Variants in CCDC15 observed in about 807,000 individuals in gnomAD.
CCDC15 encodes the protein coiled-coil domain-containing protein 15.
CCDC15 carries 105 observed loss-of-function variants against 114.5 expected under a neutral mutation model. The ratio of observed to expected loss-of-function variants is 0.92; its 90% CI spans 0.78 to 1.08. The LOEUF is 1.08. Ranked by LOEUF, CCDC15 falls within the 50% of genes least tolerant of loss-of-function variation. CCDC15 has a pLI of 0.00. For synonymous variants in CCDC15, 334 were observed against 377.8 expected (o/e 0.88, Z 1.34); for missense variants, 1,105 against 1,093.6 (o/e 1.01, Z -0.15).
At chr11:125,019,215 GT>G (rs1827603898) in intron 13 of CCDC15, among the ~76,000 whole-genome samples, 1 of 151,826 alleles carries the variant, frequency 6.6e-6, no homozygotes, top group Non-Finnish European at 1.5e-5. Flanking sequence ...TTAAAAGATC[GT>G]TATATATTAA....
chr11:125,033,120 C>T (rs1253654112), intron 13 of CCDC15, among the ~76,000 whole-genome samples: 1 of 152,142 alleles, frequency 6.6e-6, no homozygotes, highest in African/African-American at 2.4e-5. Context: ...TAAACTGGCT[C>T]CAGTCTGGAT....
intron 6 of CCDC15, 89 bp downstream of exon 6, chr11:124,977,689 T>A: frequency 7.6e-7 from 1 of 1,310,384 alleles, no homozygotes; most frequent in Non-Finnish European, 1.0e-6. Flanking sequence ...GGTTAAGATA[T>A]CCAGTATTTT....
Position 124,998,651 on chromosome 11 carries a change from G to T in CCDC15, c.2215-5216G>T, listed in dbSNP as rs118039091. Among the ~76,000 whole-genome samples, 662 of 149,336 alleles carry T rather than the reference G, an allele frequency of 4.4e-3. 10 individuals carry two copies. The highest frequency in any genetic ancestry group is 4.9e-3 in the Non-Finnish European group (331 of 67,482). Reference sequence around the variant, plus strand: ...CCTTTATGTTATAATTGTCATAGGTGTTCCATCTATCTACACTGAAAACTC... The same window carrying T: ...CCTTTATGTTATAATTGTCATAGGTTTTCCATCTATCTACACTGAAAACTC... On this transcript the variant is annotated intron_variant, in intron 11 of 15. Transcript: ENST00000344762.
At chr11:124,971,693 CAAGTA>C (rs1324438241) in intron 4 of CCDC15, among the ~76,000 whole-genome samples, 1 of 151,910 alleles carries the variant, frequency 6.6e-6, no homozygotes, top group Non-Finnish European at 1.5e-5. Flanking sequence ...ATAGTTTGAA[CAAGTA>C]AAGTAAATAG....
intron 12 of CCDC15, among the ~76,000 whole-genome samples, chr11:125,004,644 A>G (rs759439095): frequency 1.6e-4 from 24 of 152,014 alleles, no homozygotes; most frequent in Non-Finnish European, 1.2e-4. Context: ...TACTTGTTTC[A>G]TTTATGAGTC....
intron 2 of CCDC15, 136 bp downstream of exon 2, chr11:124,955,045 C>G (rs2135421636): frequency 1.2e-6 from 1 of 803,580 alleles, no homozygotes; most frequent in South Asian, 1.9e-5. Flanking sequence ...TATGCTCTTG[C>G]ATTAGGATTA....
chr11:125,034,288 T>G (rs1008362720), intron 13 of CCDC15, among the ~76,000 whole-genome samples: 2 of 152,206 alleles, frequency 1.3e-5, no homozygotes, highest in African/African-American at 4.8e-5. Context: ...TCCTCCCACA[T>G]ATCCCCATTC....
intron 11 of CCDC15, 122 bp downstream of exon 11, chr11:124,993,365 T>C (rs1948304790): frequency 1.6e-6 from 1 of 643,360 alleles, no homozygotes; most frequent in Non-Finnish European, 2.8e-6. Flanking sequence ...GCAATGTAAC[T>C]GCTTCAGGAA....
In CCDC15 at chr11:124,954,780, GCCC is replaced by G. The variant is rs754627196; in HGVS notation, c.50_52del (p.Pro17del). 6.2e-7 allele frequency: 1 copy of G among 1,613,970 alleles called. No individual in the cohort carries two copies. Among genetic ancestry groups the G allele is most frequent in the Admixed American group, 1.7e-5 (1 of 60,016 alleles). On this transcript the variant is annotated inframe_deletion, in exon 2 of 16. Transcript: ENST00000344762. ...AGAAACCTCGAAATACCTCAAGGTT[GCCC>G]CTGGCTTTAAACCCCCTGAAGAGCA... is the stretch of plus-strand genomic sequence containing the variant.
At chr11:124,988,805 T>TTG (rs1948220176) in intron 8 of CCDC15, among the ~76,000 whole-genome samples, 2 of 152,220 alleles carry the variant, frequency 1.3e-5, no homozygotes, top group Non-Finnish European at 2.9e-5. Flanking sequence ...AGTAACTCCT[T>TTG]ATCCATTTAA....
At chr11:124,964,613 T>C (rs12802311) in intron 4 of CCDC15, among the ~76,000 whole-genome samples, 40,528 of 151,984 alleles carry the variant, frequency 0.27, 6,400 homozygotes, top group African/African-American at 0.44. Context: ...TCCTCTTTTC[T>C]TAATTGAATA....
chr11:124,978,169 A>T (rs1028612629), intron 6 of CCDC15, among the ~76,000 whole-genome samples: 4 of 152,184 alleles, frequency 2.6e-5, no homozygotes, highest in Non-Finnish European at 4.4e-5. Context: ...AGTTTCATAC[A>T]TGTTGATGCA....
rs751540280 is a variant in CCDC15 at position 125,005,229 on chromosome 11, G to A, written c.2411+17G>A. The A allele has an allele frequency of 3.6e-6, 4 of 1,111,216 alleles. No individual in the cohort carries two copies. The highest frequency in any genetic ancestry group is 1.6e-5 in the African/African-American group (1 of 63,084). 68.8% of individuals were successfully genotyped at this position (1,111,216 alleles called of 1,614,324 possible). A position where few individuals can be genotyped will look rare whatever the true frequency, so the allele number is the denominator to read the frequency against. On this transcript the variant is annotated intron_variant, in intron 13 of 15. Transcript: ENST00000344762. Reference sequence around the variant, plus strand: ...AATTGAAAAGTAAGTTATTCGATCTGCTCTGTGAGCCTTAAATTGCCAATT... The same window carrying A: ...AATTGAAAAGTAAGTTATTCGATCTACTCTGTGAGCCTTAAATTGCCAATT...
chr11:124,997,106 G>C (rs1948385994), intron 11 of CCDC15, among the ~76,000 whole-genome samples: 1 of 152,134 alleles, frequency 6.6e-6, no homozygotes, highest in African/African-American at 2.4e-5. Context: ...ATATATCACA[G>C]TTTGTTTATT....
intron 13 of CCDC15, among the ~76,000 whole-genome samples, chr11:125,028,627 A>G (rs1368793364): frequency 6.6e-6 from 1 of 152,056 alleles, no homozygotes; most frequent in Non-Finnish European, 1.5e-5. Context: ...AGTACTCTTC[A>G]TTTGTGTACA....
intron 11 of CCDC15, among the ~76,000 whole-genome samples, chr11:124,999,221 T>C (rs562490020): frequency 3.9e-4 from 59 of 152,324 alleles, no homozygotes; most frequent in African/African-American, 1.4e-3. Context: ...TCCAGCAGTT[T>C]AATTATGATG....
intron 13 of CCDC15, among the ~76,000 whole-genome samples, chr11:125,016,589 C>T (rs1435227853): frequency 6.6e-6 from 1 of 152,138 alleles, no homozygotes; most frequent in Non-Finnish European, 1.5e-5. Flanking sequence ...TTATGATAGC[C>T]TAATCTTTTA....
chr11:124,961,369 A>G (rs1947654505), intron 4 of CCDC15, among the ~76,000 whole-genome samples: 1 of 152,138 alleles, frequency 6.6e-6, no homozygotes, highest in Admixed American at 6.5e-5. Flanking sequence ...CTAATAGACC[A>G]CTCATTGTAT....
In CCDC15 at chr11:125,039,768, G is replaced by A. The variant is rs552506914; in HGVS notation, c.2734+699G>A. On this transcript the variant is annotated intron_variant, in intron 15 of 15. Coordinates refer to ENST00000344762, the MANE Select transcript of CCDC15 (RefSeq NM_025004.3). ...AAAACCTCTAGGGCTACCCACTGCAGTATAAGATGCATGGCATGTTTGGTA... is the reference window on the plus strand; with the variant it reads ...AAAACCTCTAGGGCTACCCACTGCAATATAAGATGCATGGCATGTTTGGTA... 5.9e-5 allele frequency among the ~76,000 whole-genome samples: 9 copies of A among 152,256 alleles called. No individual in the cohort carries two copies. The East Asian group carries it at 1.2e-3, about 20-fold the overall frequency.
Sources: allele counts gnomAD v4.1 joint callset (sites outside exome capture counted in the v4.1 genomes callset), GRCh38; gene constraint gnomAD v4.1.1; transcripts MANE v1.5; gene names NCBI Gene and HGNC (gene_info 2026-07-23, HGNC 2026-07-21).